TMEM135: variants seen among roughly 807,000 people sequenced by gnomAD.
The protein encoded by TMEM135 is transmembrane protein 135.
In TMEM135, 30 loss-of-function variants were observed where a neutral mutation model predicts 60.3. The ratio of observed to expected loss-of-function variants is 0.50; its 90% CI spans 0.37 to 0.68. The LOEUF (loss-of-function observed/expected upper bound fraction) is 0.68. Ranked by LOEUF, TMEM135 falls within the 30% of genes least tolerant of loss-of-function variation. The pLI is 0.00. For missense variants in TMEM135, 468 were observed against 548.8 expected, an observed-to-expected ratio of 0.85 and a Z score of 1.47; for synonymous variants, 190 against 186.7, an observed-to-expected ratio of 1.02 and a Z score of -0.14.
In TMEM135 at chr11:87,323,242, A is replaced by AT. The variant is rs1565173117; in HGVS notation, c.*1916dup. 8.8e-6 allele frequency: 4 copies of AT among 453,618 alleles called. No individual in the cohort carries two copies. The highest frequency in any genetic ancestry group is 6.9e-5 in the East Asian group (1 of 14,394). 28.1% of individuals were successfully genotyped at this position (453,618 alleles called of 1,614,324 possible). On this transcript the variant is annotated 3_prime_UTR_variant, in exon 15 of 15. Coordinates refer to ENST00000305494, the MANE Select transcript of TMEM135 (RefSeq NM_022918.4). The stretch of plus-strand genomic sequence containing the variant: ...CTTTTCATTTTTATAAATTGCAGTC[A>AT]TTTTTTTAAATTTTATGTAAAATGT...
At chr11:87,265,959 A>G (rs1470989216) in intron 6 of TMEM135, among the ~76,000 whole-genome samples, 4 of 152,174 alleles carry the variant, frequency 2.6e-5, no homozygotes, top group South Asian at 2.1e-4. Context: ...CTATTGATCT[A>G]TTAGCCTTAC....
intron 6 of TMEM135, among the ~76,000 whole-genome samples, chr11:87,241,388 G>A (rs1245997216): frequency 1.3e-5 from 2 of 151,706 alleles, no homozygotes; most frequent in African/African-American, 4.8e-5. Context: ...TATATAGTAG[G>A]TGTATATACT....
chr11:87,053,549 T>G (rs61906203), intron 1 of TMEM135, among the ~76,000 whole-genome samples: 23,205 of 152,016 alleles, frequency 0.15, 1,829 homozygotes, highest in Non-Finnish European at 0.17. Context: ...AAGAACTAAA[T>G]AAAATATTTT....
chr11:87,046,941 C>T (rs540635093), intron 1 of TMEM135, among the ~76,000 whole-genome samples: 35 of 152,298 alleles, frequency 2.3e-4, no homozygotes, highest in African/African-American at 8.2e-4. Context: ...AGGTTCTTAA[C>T]ATTTGTGAAC....
At chr11:87,229,154 GTTTC>G (rs1940832301) in intron 5 of TMEM135, among the ~76,000 whole-genome samples, 1 of 151,740 alleles carries the variant, frequency 6.6e-6, no homozygotes, top group Non-Finnish European at 1.5e-5. Context: ...ACATTTTGAC[GTTTC>G]TTTTATGTGT....
At chr11:87,250,271 C>G (rs1160534591) in intron 6 of TMEM135, among the ~76,000 whole-genome samples, 1 of 151,808 alleles carries the variant, frequency 6.6e-6, no homozygotes, top group African/African-American at 2.4e-5. Context: ...TTTTTTTGAT[C>G]TTTTGTATTT....
At chr11:87,233,319 C>T (rs1207344084) in intron 5 of TMEM135, among the ~76,000 whole-genome samples, 1 of 151,970 alleles carries the variant, frequency 6.6e-6, no homozygotes, top group Non-Finnish European at 1.5e-5. Flanking sequence ...TCAATTAAGA[C>T]ACAAAGATTT....
intron 5 of TMEM135, among the ~76,000 whole-genome samples, chr11:87,192,907 G>C (rs768829545): frequency 3.3e-5 from 5 of 152,138 alleles, no homozygotes; most frequent in African/African-American, 1.2e-4. Context: ...TTGAGATCAG[G>C]AGTTCAAGGC....
At chr11:87,219,269 G>T (rs1354692541) in intron 5 of TMEM135, among the ~76,000 whole-genome samples, 1 of 152,112 alleles carries the variant, frequency 6.6e-6, no homozygotes, top group Non-Finnish European at 1.5e-5. Flanking sequence ...CAAGGCTACC[G>T]TAACAAAATA....
At chr11:87,044,502 A>G (rs1949777604) in intron 1 of TMEM135, among the ~76,000 whole-genome samples, 2 of 152,124 alleles carry the variant, frequency 1.3e-5, no homozygotes, top group Non-Finnish European at 2.9e-5. Flanking sequence ...AGACCATGGA[A>G]TTGTAAATGT....
At chr11:87,232,774 A>G (rs996232149) in intron 5 of TMEM135, among the ~76,000 whole-genome samples, 6 of 152,172 alleles carry the variant, frequency 3.9e-5, no homozygotes, top group Non-Finnish European at 8.8e-5. Flanking sequence ...TCATTTGAAT[A>G]TAGACAATTT....
At chr11:87,241,332 G>A (rs1294297809) in intron 6 of TMEM135, among the ~76,000 whole-genome samples, 1 of 151,754 alleles carries the variant, frequency 6.6e-6, no homozygotes, top group Non-Finnish European at 1.5e-5. Flanking sequence ...ATGTTAATTC[G>A]GTTCTATGTT....
intron 3 of TMEM135, among the ~76,000 whole-genome samples, chr11:87,082,604 A>G (rs529823105): frequency 6.6e-6 from 1 of 151,880 alleles, no homozygotes; most frequent in Admixed American, 6.6e-5. Flanking sequence ...AAAAATGGAA[A>G]GTTTTCCTCT....
chr11:87,049,707 A>G (rs1949824716), intron 1 of TMEM135, among the ~76,000 whole-genome samples: 1 of 89,618 alleles, frequency 1.1e-5, no homozygotes, highest in African/African-American at 4.8e-5. Context: ...ACTCCCACAC[A>G]TTAATAATGG....
chr11:87,132,057 G>A (rs1196349552), intron 4 of TMEM135, among the ~76,000 whole-genome samples: 4 of 152,138 alleles, frequency 2.6e-5, no homozygotes, highest in Admixed American at 6.5e-5. Flanking sequence ...AGGAAAAAAG[G>A]CTCAGGGCTT....
At chr11:87,209,095 C>T (rs1470092767) in intron 5 of TMEM135, among the ~76,000 whole-genome samples, 1 of 152,088 alleles carries the variant, frequency 6.6e-6, no homozygotes, top group Non-Finnish European at 1.5e-5. Context: ...GATACCAAAA[C>T]ATGTATAAGG....
chr11:87,217,345 G>T (rs960360592), intron 5 of TMEM135, among the ~76,000 whole-genome samples: 4 of 152,114 alleles, frequency 2.6e-5, no homozygotes, highest in African/African-American at 9.7e-5. Context: ...TCAAGGTGTA[G>T]AAGTTATATA....
chr11:87,069,572 A>G (rs1463015348), intron 2 of TMEM135, among the ~76,000 whole-genome samples: 1 of 152,126 alleles, frequency 6.6e-6, no homozygotes, highest in Non-Finnish European at 1.5e-5. Flanking sequence ...ACATTTGAGA[A>G]ATACAGTGAA....
intron 1 of TMEM135, among the ~76,000 whole-genome samples, chr11:87,056,639 T>C (rs1014438184): frequency 6.6e-6 from 1 of 152,198 alleles, no homozygotes; most frequent in Non-Finnish European, 1.5e-5. Context: ...TTCTTTTTAG[T>C]GGAATTTATG....
Sources: gnomAD v4.1 joint callset for allele counts (sites outside exome capture counted in the v4.1 genomes callset) on GRCh38, gnomAD v4.1.1 for gene constraint, MANE v1.5 for transcripts, NCBI Gene and HGNC (gene_info 2026-07-23, HGNC 2026-07-21) for gene names.